The following ACSF2 variants were observed in gnomAD, a reference collection of about 807,000 sequenced individuals.
ACSF2 encodes medium-chain acyl-CoA ligase ACSF2, mitochondrial.
In ACSF2, 52 loss-of-function variants were observed where a neutral mutation model predicts 79.3. The ratio of observed to expected loss-of-function variants is 0.66; its 90% confidence interval spans 0.53 to 0.83. The LOEUF (loss-of-function observed/expected upper bound fraction) is 0.83, where lower values mean the gene tolerates loss of function less well. ACSF2 is among the 40% of genes least tolerant of loss of function. The probability of loss-of-function intolerance (pLI) is 0.00; values close to 1 mark genes in which losing one functional copy is unlikely to be tolerated. For missense variants in ACSF2, 661 were observed against 803.3 expected (o/e 0.82, Z 2.14); for synonymous variants, 283 against 312.6 (o/e 0.91, Z 1.00).
At chr17:50,465,513 G>T in intron 10 of ACSF2, 1 of 1,564,712 alleles carries the variant, frequency 6.4e-7, no homozygotes, top group South Asian at 1.1e-5. Context: ...GAACTATGGG[G>T]CCAGGATTGA....
rs763678229 is a variant in ACSF2, at chr17:50,464,664, G to C, written c.1215+370G>C. 1.3e-5 allele frequency: 6 copies of C among 469,826 alleles called. No homozygotes were observed. In the Admixed American group the frequency reaches 1.4e-4, roughly 11 times the overall value. 29.1% of individuals were successfully genotyped at this position (469,826 alleles called of 1,614,324 possible). A position where few individuals can be genotyped will look rare whatever the true frequency, so the allele number is the denominator to read the frequency against. On this transcript the variant is annotated intron_variant, in intron 10 of 15. Coordinates refer to ENST00000300441, the MANE Select transcript of ACSF2 (RefSeq NM_025149.6). ...TTTCTGGAAGCAAGGGGTGGGGCAA[G>C]GATCTGATGATTGTTTCCACGTGGC...
chr17:50,431,666 A>T (rs1261255769), intron 1 of ACSF2, among the ~76,000 whole-genome samples: 2 of 151,978 alleles, frequency 1.3e-5, no homozygotes, highest in African/African-American at 4.8e-5. Flanking sequence ...AGATCATTTT[A>T]AAATTTTTTG....
In ACSF2 at chr17:50,454,858, T is replaced by C. The variant is rs181752481; in HGVS notation, c.129-5819T>C. Among the ~76,000 whole-genome samples, 1,221 of 152,110 alleles carry C rather than the reference T, an allele frequency of 8.0e-3. 23 individuals carry two copies. The highest frequency in any genetic ancestry group is 0.027 in the African/African-American group (1,138 of 41,494). On this transcript the variant is annotated intron_variant, in intron 1 of 15. Transcript: ENST00000300441. ...GCCAATTGAACTGGATTTTTTTTTT[T>C]CCCCCATAAATCAGCCTGCCGATTT...
intron 1 of ACSF2, among the ~76,000 whole-genome samples, chr17:50,453,714 T>C (rs559827231): frequency 6.6e-6 from 1 of 152,192 alleles, no homozygotes; most frequent in South Asian, 2.1e-4. Flanking sequence ...ATGAGCTATT[T>C]CTGTATTGTT....
chr17:50,438,510 G>A (rs1342490365), intron 1 of ACSF2, among the ~76,000 whole-genome samples: 4 of 152,066 alleles, frequency 2.6e-5, no homozygotes, highest in Non-Finnish European at 4.4e-5. Flanking sequence ...CTGCTGCTGG[G>A]CTCAGTGGCA....
At chr17:50,456,775 G>C (rs2032037469) in intron 1 of ACSF2, among the ~76,000 whole-genome samples, 3 of 151,866 alleles carry the variant, frequency 2.0e-5, no homozygotes, top group Admixed American at 2.0e-4. Flanking sequence ...AAAGGTGCCT[G>C]GTGGCCAGGT....
chr17:50,438,421 C>T (rs1020327406), intron 1 of ACSF2, among the ~76,000 whole-genome samples: 18 of 152,124 alleles, frequency 1.2e-4, no homozygotes, highest in African/African-American at 4.3e-4. Context: ...ACTGTGCTAC[C>T]GTGACCACCA....
chr17:50,454,025 C>T (rs987994328), intron 1 of ACSF2, among the ~76,000 whole-genome samples: 1 of 152,022 alleles, frequency 6.6e-6, no homozygotes, highest in Non-Finnish European at 1.5e-5. Context: ...AATAGCCAAC[C>T]ATGGGGTCAT....
chr17:50,473,412 C>A (rs2033205858), intron 12 of ACSF2: 2 of 459,238 alleles, frequency 4.4e-6, no homozygotes, highest in Non-Finnish European at 7.9e-6. Flanking sequence ...TGGAAAGAAG[C>A]CAGTCGTGAA....
chr17:50,426,335 C>G lies in ACSF2; in HGVS notation c.74C>G (p.Ala25Gly). 7.0e-7 allele frequency: 1 copy of G among 1,423,660 alleles called. No individual in the cohort carries two copies. The highest frequency in any genetic ancestry group is 9.2e-7 in the Non-Finnish European group (1 of 1,082,284). The allele number at this position is 1,423,660 out of a possible 1,614,324, so 88.2% of individuals were successfully genotyped here. A position where few individuals can be genotyped will look rare whatever the true frequency, so the allele number is the denominator to read the frequency against. The change falls in exon 1 of 16, where the codon GCC (alanine) becomes GGC (glycine). Residue 25 changes from alanine to glycine, a missense_variant. Coordinates refer to ENST00000300441, the MANE Select transcript of ACSF2 (RefSeq NM_025149.6). The stretch of plus-strand genomic sequence containing the variant: ...AGCTCGGGGGTGCTGGGGGCCCGGG[C>G]CGCCCTCTCTCGGAGTTGGCAGGAA... The part of the protein sequence containing the change: ...AGSSGVLGAR[A>G]ALSRSWQEAR...
At chr17:50,465,974 A>G (rs1272565702) in intron 10 of ACSF2, 11 of 1,297,064 alleles carry the variant, frequency 8.5e-6, no homozygotes, top group African/African-American at 4.4e-5. Flanking sequence ...CCTGAGCCAT[A>G]GCACTTTGAG....
At chr17:50,435,222 C>T (rs929993567) in intron 1 of ACSF2, among the ~76,000 whole-genome samples, 2 of 152,136 alleles carry the variant, frequency 1.3e-5, no homozygotes, top group African/African-American at 4.8e-5. Flanking sequence ...GGAGGAGCAG[C>T]TCATTAACCT....
chr17:50,472,335 G>T (rs889407303), intron 11 of ACSF2, 93 bp from the exon 12 acceptor site: 148 of 1,474,908 alleles, frequency 1.0e-4, no homozygotes, highest in Non-Finnish European at 1.3e-4. Context: ...GGGTTGGGGG[G>T]TTGGGGGCAG....
chr17:50,456,203 G>T (rs940519766), intron 1 of ACSF2, among the ~76,000 whole-genome samples: 1 of 152,138 alleles, frequency 6.6e-6, no homozygotes, highest in African/African-American at 2.4e-5. Flanking sequence ...TTAACTTAGG[G>T]GTTGCCTCAC....
At chr17:50,433,850 G>A (rs954310204) in intron 1 of ACSF2, among the ~76,000 whole-genome samples, 1 of 151,848 alleles carries the variant, frequency 6.6e-6, no homozygotes, top group Non-Finnish European at 1.5e-5. Flanking sequence ...GTCTCAAACT[G>A]CTGGGCTCAA....
intron 10 of ACSF2, chr17:50,468,295 C>G: frequency 6.2e-7 from 1 of 1,613,650 alleles, no homozygotes; most frequent in Non-Finnish European, 8.5e-7. Context: ...AGAGCCAGCG[C>G]AGGTCCTTGG....
At chr17:50,451,377 T>C (rs1470108104) in intron 1 of ACSF2, among the ~76,000 whole-genome samples, 1 of 152,246 alleles carries the variant, frequency 6.6e-6, no homozygotes, top group East Asian at 1.9e-4. Context: ...CTGAATCATT[T>C]TACATTCCCA....
intron 1 of ACSF2, among the ~76,000 whole-genome samples, chr17:50,436,231 G>A (rs1342399019): frequency 2.6e-5 from 4 of 152,158 alleles, no homozygotes; most frequent in East Asian, 3.9e-4. Flanking sequence ...CCGGGTTCAC[G>A]CCATTCTCCT....
chr17:50,434,392 A>G (rs1438511022), intron 1 of ACSF2, among the ~76,000 whole-genome samples: 2 of 152,198 alleles, frequency 1.3e-5, no homozygotes, highest in East Asian at 3.9e-4. Context: ...TATCTTGTTC[A>G]AAATCTTTAC....
Sources: allele counts gnomAD v4.1 joint callset (sites outside exome capture counted in the v4.1 genomes callset), GRCh38; gene constraint gnomAD v4.1.1; transcripts MANE v1.5; gene names NCBI Gene and HGNC (gene_info 2026-07-23, HGNC 2026-07-21).